PRH1: variants seen among roughly 807,000 people sequenced by gnomAD.
The protein encoded by PRH1 is salivary acidic proline-rich phosphoprotein 1/2.
A neutral mutation model predicts 7.9 loss-of-function variants in PRH1; 7 were observed. That is an observed-to-expected ratio of 0.89 (90% confidence interval 0.50 to 1.67). The LOEUF (loss-of-function observed/expected upper bound fraction) is 1.67. Ranked by LOEUF, PRH1 falls within the 40% of genes most tolerant of loss-of-function variation. The pLI, the probability that PRH1 is intolerant of heterozygous loss-of-function variation, is 0.00. For synonymous variants in PRH1, 45 were observed against 80.8 expected (o/e 0.56, Z 2.38); for missense variants, 109 against 223.6 (o/e 0.49, Z 3.27).
At chr12:10,926,639 C>A (rs1271295365) in intron 2 of PRH1, among the ~76,000 whole-genome samples, 3 of 152,104 alleles carry the variant, frequency 2.0e-5, no homozygotes, top group Non-Finnish European at 4.4e-5. Flanking sequence ...CTGTTAAAGA[C>A]CTCCAGGAGA....
chr12:10,893,966 A>G (rs1949611050), intron 2 of PRH1, among the ~76,000 whole-genome samples: 1 of 151,964 alleles, frequency 6.6e-6, no homozygotes, highest in Admixed American at 6.6e-5. Context: ...TTAAGAGGAG[A>G]CGTTCTTATT....
chr12:11,013,710 C>G (rs1397022082), intron 1 of PRH1, among the ~76,000 whole-genome samples: 1 of 150,188 alleles, frequency 6.7e-6, no homozygotes, highest in Non-Finnish European at 1.5e-5. Flanking sequence ...GAAATTCAAG[C>G]AAAAATATTA....
At chr12:10,942,474 G>A (rs1225962883) in intron 2 of PRH1, among the ~76,000 whole-genome samples, 1 of 152,084 alleles carries the variant, frequency 6.6e-6, no homozygotes, top group African/African-American at 2.4e-5. Flanking sequence ...AGTCATGCAG[G>A]TTGTCGTGGA....
Position 10,927,955 on chromosome 12 carries a change from G to A in PRH1, c.-58-43680C>T, listed in dbSNP as rs4528423. On this transcript the variant is annotated intron_variant, in intron 2 of 3. Transcript: ENST00000539853. ...GGAGTACCAATCCAGGACCCTGGAA[G>A]GATTTTTCAGAAACTTAATAGTTTA... Among the ~76,000 whole-genome samples the A allele has an allele frequency of 1.3e-3, 204 of 152,252 alleles. 1 individual carries two copies. In the East Asian group the frequency reaches 0.017, roughly 13 times the overall value.
chr12:10,903,195 A>C (rs564941026), intron 2 of PRH1, among the ~76,000 whole-genome samples: 27 of 152,216 alleles, frequency 1.8e-4, no homozygotes, highest in Non-Finnish European at 3.7e-4. Flanking sequence ...AGAAAAAAAG[A>C]AAGAATCACT....
Position 10,909,256 on chromosome 12 carries a change from C to T in PRH1, c.-58-24981G>A. ...CTCAAATTCCCAATTATGAATTCTGCAATTATTACAAGAGTGAAGATACTC... is the reference window on the plus strand; with the variant it reads ...CTCAAATTCCCAATTATGAATTCTGTAATTATTACAAGAGTGAAGATACTC... On this transcript the variant is annotated intron_variant, in intron 2 of 3. Transcript: ENST00000539853. The T allele has an allele frequency of 1.9e-6, 3 of 1,613,610 alleles. No individual in the cohort carries two copies. The South Asian group carries it at 3.3e-5, about 18-fold the overall frequency.
intron 2 of PRH1, among the ~76,000 whole-genome samples, chr12:10,911,645 A>T (rs1374202486): frequency 6.6e-6 from 1 of 152,210 alleles, no homozygotes; most frequent in Admixed American, 6.5e-5. Flanking sequence ...TTTAATTTTC[A>T]TTTCTCATAT....
rs1197825745 is a variant in PRH1 at position 10,957,463 on chromosome 12, A to ATAGTTTTTTAAAAAAAAAAACTATTTTTT, written c.-59+16191_-59+16192insAAAAAATAGTTTTTTTTTTTAAAAAACTA. ...AAAACCTAAAACTATTTTTTTAAAA[A>ATAGTTTTTTAAAAAAAAAAACTATTTTTT]ACGGAAAAATAACCTAGTAAACACC... On this transcript the variant is annotated intron_variant, in intron 2 of 3. Transcript: ENST00000539853. Among the ~76,000 whole-genome samples the ATAGTTTTTTAAAAAAAAAAACTATTTTTT allele has an allele frequency of 4.6e-5, 7 of 151,820 alleles. No individual in the cohort carries two copies. In the East Asian group the frequency reaches 1.2e-3, roughly 25 times the overall value.
In PRH1 at chr12:11,098,050, G is replaced by A. The variant is rs1483947380; in HGVS notation, n.124-50862C>T. On this transcript the variant is annotated intron_variant and non_coding_transcript_variant, in intron 1 of 4. Coordinates refer to the PRH1 transcript ENST00000541977. Reference sequence around the variant, plus strand: ...AGGATTCTATTTTGGGATTTTTTTTGGCATTTTTGAACACTAACATGGACA... The same window carrying A: ...AGGATTCTATTTTGGGATTTTTTTTAGCATTTTTGAACACTAACATGGACA... Among the ~76,000 whole-genome samples, 2 of 73,300 alleles carry A rather than the reference G, an allele frequency of 2.7e-5. 1 individual carries two copies. The highest frequency in any genetic ancestry group is 7.4e-5 in the Non-Finnish European group (2 of 26,970). 48.1% of individuals were successfully genotyped at this position (73,300 alleles called of 152,430 possible).
intron 1 of PRH1, among the ~76,000 whole-genome samples, chr12:11,000,008 G>A (rs1940506167): frequency 6.6e-6 from 1 of 151,886 alleles, no homozygotes; most frequent in Non-Finnish European, 1.5e-5. Context: ...CTATTTTTGA[G>A]CTATTATGAA....
intron 2 of PRH1, among the ~76,000 whole-genome samples, chr12:10,962,430 G>A (rs1297127551): frequency 6.6e-6 from 1 of 152,154 alleles, no homozygotes; most frequent in East Asian, 1.9e-4. Context: ...TGATTTTGAT[G>A]TTCCACCTTA....
At chr12:11,022,069 A>G in intron 1 of PRH1, 1 of 1,613,942 alleles carries the variant, frequency 6.2e-7, no homozygotes. Flanking sequence ...TGCATTCCTC[A>G]ATTTGATCTT....
At chr12:11,139,751 GTA>G (rs529863302) in intron 1 of PRH1, among the ~76,000 whole-genome samples, 137 of 152,180 alleles carry the variant, frequency 9.0e-4, no homozygotes, top group African/African-American at 3.2e-3. Context: ...GCATGTGCAT[GTA>G]TATGTATTCG....
At chr12:10,941,860 G>T (rs1950406898) in intron 2 of PRH1, among the ~76,000 whole-genome samples, 1 of 152,170 alleles carries the variant, frequency 6.6e-6, no homozygotes, top group Non-Finnish European at 1.5e-5. Flanking sequence ...CTCTATCAGA[G>T]AAAAGATCTA....
intron 1 of PRH1, chr12:11,133,393 C>G (rs1565688163): frequency 6.2e-7 from 1 of 1,613,962 alleles, no homozygotes; most frequent in Admixed American, 1.7e-5. Context: ...GCTTTAGCTT[C>G]TTGTTTCCCA....
intron 1 of PRH1, among the ~76,000 whole-genome samples, chr12:11,069,851 G>A (rs140082208): frequency 3.8e-3 from 573 of 152,208 alleles, no homozygotes; most frequent in East Asian, 0.015. Flanking sequence ...AATAATTGAA[G>A]GGAAGCTTAA....
At chr12:11,054,803 T>C (rs1943294964) in intron 1 of PRH1, among the ~76,000 whole-genome samples, 1 of 128,908 alleles carries the variant, frequency 7.8e-6, no homozygotes, top group African/African-American at 2.9e-5. Flanking sequence ...TTCTTTTTTT[T>C]TTTTTTTTTT....
At chr12:11,163,144 G>A (rs939291800) in intron 1 of PRH1, among the ~76,000 whole-genome samples, 2 of 152,052 alleles carry the variant, frequency 1.3e-5, no homozygotes, top group African/African-American at 4.8e-5. Flanking sequence ...AACAATTACA[G>A]AGAATATTAG....
chr12:11,135,641 C>T (rs1946529225), intron 1 of PRH1, among the ~76,000 whole-genome samples: 4 of 152,238 alleles, frequency 2.6e-5, no homozygotes, highest in Admixed American at 2.6e-4. Context: ...GAAATGTGTA[C>T]AACCTTGTTG....
Sources: gnomAD v4.1 joint callset for allele counts (sites outside exome capture counted in the v4.1 genomes callset) on GRCh38, gnomAD v4.1.1 for gene constraint, MANE v1.5 for transcripts, NCBI Gene and HGNC (gene_info 2026-07-23, HGNC 2026-07-21) for gene names.